AADACL4: variants seen among roughly 807,000 people sequenced by gnomAD.
AADACL4 encodes the protein arylacetamide deacetylase-like 4.
In AADACL4, 9 loss-of-function variants were observed where a neutral mutation model predicts 14.1. That is an observed-to-expected ratio of 0.64 (90% CI 0.39 to 1.12). The LOEUF is 1.12. AADACL4 is among the 50% of genes most tolerant of loss of function. The pLI is 0.01. For missense variants in AADACL4, 531 were observed against 516.1 expected, an observed-to-expected ratio of 1.03 and a Z score of -0.28; for synonymous variants, 188 against 201.6, an observed-to-expected ratio of 0.93 and a Z score of 0.57.
In AADACL4 at chr1:12,651,147, A is replaced by G. The variant is rs775815654; in HGVS notation, c.193A>G (p.Ile65Val). ...TLGNIFEKLG[I>V]CSMPKFIRFL... The stretch of plus-strand genomic sequence containing the variant: ...GGGGAATATATTTGAGAAGCTGGGA[A>G]TTTGCTCCATGCCCAAATTTATTCG... Residue 65 changes from isoleucine (I) to valine (V), a missense_variant, in exon 2 of 4, where the codon ATT (isoleucine) becomes GTT (valine). Coordinates refer to ENST00000376221, the MANE Select transcript of AADACL4 (RefSeq NM_001013630.2). 4 of 1,614,084 alleles carry G rather than the reference A, an allele frequency of 2.5e-6. No individual in the cohort carries two copies. In the East Asian group the frequency reaches 8.9e-5, roughly 36 times the overall value.
chr1:12,661,307 A>G (rs1292216086), intron 2 of AADACL4, among the ~76,000 whole-genome samples: 1 of 152,174 alleles, frequency 6.6e-6, no homozygotes, highest in East Asian at 1.9e-4. Flanking sequence ...TGTATTTGGC[A>G]GTGATTCTGT....
Position 12,645,791 on chromosome 1 carries a change from G to A in AADACL4, c.168+1077G>A, listed in dbSNP as rs113754590. On this transcript the variant is annotated intron_variant, in intron 1 of 3. Transcript: ENST00000376221. ...ACTCCTGGGCTCAAGCAATCTGCCCGCCTTGGCCTCCCAAAGTGTAGGGAT... is the reference window on the plus strand; with the variant it reads ...ACTCCTGGGCTCAAGCAATCTGCCCACCTTGGCCTCCCAAAGTGTAGGGAT... 3.8e-3 allele frequency among the ~76,000 whole-genome samples: 586 copies of A among 152,264 alleles called. 3 individuals carry two copies. The highest frequency in any genetic ancestry group is 0.014 in the African/African-American group (564 of 41,550).
At chr1:12,661,911 T>C in intron 3 of AADACL4, 57 bp downstream of exon 3, 1 of 1,561,398 alleles carries the variant, frequency 6.4e-7, no homozygotes, top group Non-Finnish European at 8.8e-7. Flanking sequence ...ATAGGGTAAG[T>C]TCATGGGTGA....
intron 2 of AADACL4, among the ~76,000 whole-genome samples, chr1:12,653,998 CT>C (rs1647166050): frequency 6.6e-6 from 1 of 152,160 alleles, no homozygotes; most frequent in African/African-American, 2.4e-5. Flanking sequence ...CATGTGAGTC[CT>C]ATCCCCAAAG....
At chr1:12,662,954 C>A (rs1044718389) in intron 3 of AADACL4, among the ~76,000 whole-genome samples, 3 of 152,202 alleles carry the variant, frequency 2.0e-5, no homozygotes, top group Non-Finnish European at 2.9e-5. Flanking sequence ...TCAATAAGCA[C>A]CTGCATTAAT....
intron 3 of AADACL4, among the ~76,000 whole-genome samples, chr1:12,663,266 C>T (rs980401902): frequency 1.3e-5 from 2 of 152,190 alleles, no homozygotes; most frequent in South Asian, 2.1e-4. Flanking sequence ...TAACAAATTA[C>T]CATAGATGGG....
chr1:12,666,034 A>G lies in AADACL4; in HGVS notation c.523A>G (p.Lys175Glu). 1 of 1,614,158 alleles carries G rather than the reference A, an allele frequency of 6.2e-7. No homozygotes were observed. Among genetic ancestry groups the G allele is most frequent in the African/African-American group, 1.3e-5 (1 of 75,040 alleles). ...CATGAATGCCTCCATTCACTTCCTG[A>G]AGGCCCTGGAAACCTATGGGGTGGA... ...DCMNASIHFL[K>E]ALETYGVDPS... Residue 175 changes from lysine (K) to glutamate (E), a missense_variant, in exon 4 of 4, where the codon AAG becomes GAG. Physicochemically the swap from Lys to Glu is moderately conservative, Grantham distance 56. Transcript: ENST00000376221.
chr1:12,661,391 T>A (rs1053539231), intron 2 of AADACL4, among the ~76,000 whole-genome samples: 1 of 152,198 alleles, frequency 6.6e-6, no homozygotes, highest in Non-Finnish European at 1.5e-5. Flanking sequence ...TATGCACCAC[T>A]CTACTCATAG....
intron 2 of AADACL4, among the ~76,000 whole-genome samples, chr1:12,657,140 CAA>C (rs59777423): frequency 0.01 from 519 of 51,074 alleles, 6 homozygotes; most frequent in African/African-American, 0.03. Flanking sequence ...AAGACTGTCT[CAA>C]AAAAAAAAAA....
At chr1:12,648,932 T>C (rs17038227) in intron 1 of AADACL4, among the ~76,000 whole-genome samples, 11,953 of 152,192 alleles carry the variant, frequency 0.079, 1,503 homozygotes, top group African/African-American at 0.26. Context: ...GGAGGGTTAA[T>C]ATCACACTTC....
At chr1:12,655,518 G>T (rs972413910) in intron 2 of AADACL4, among the ~76,000 whole-genome samples, 2 of 151,624 alleles carry the variant, frequency 1.3e-5, no homozygotes. Flanking sequence ...GTCTAGGTGG[G>T]CTCCCTGGCT....
intron 3 of AADACL4, among the ~76,000 whole-genome samples, chr1:12,663,359 T>G (rs1557552630): frequency 6.6e-6 from 1 of 152,198 alleles, no homozygotes; most frequent in Non-Finnish European, 1.5e-5. Flanking sequence ...CAGGCTCTGG[T>G]GAAGACCCTT....
At chr1:12,649,585 T>C (rs768115075) in intron 1 of AADACL4, among the ~76,000 whole-genome samples, 5 of 152,166 alleles carry the variant, frequency 3.3e-5, no homozygotes, top group Non-Finnish European at 7.4e-5. Context: ...GGAGTTCCTT[T>C]AGGAGGACCT....
intron 3 of AADACL4, among the ~76,000 whole-genome samples, chr1:12,665,147 C>T (rs536268714): frequency 3.3e-5 from 5 of 152,336 alleles, no homozygotes; most frequent in African/African-American, 1.2e-4. Flanking sequence ...CCTGCCTCAG[C>T]CTCCTGAGTA....
chr1:12,659,250 T>C (rs1647208312), intron 2 of AADACL4, among the ~76,000 whole-genome samples: 1 of 152,176 alleles, frequency 6.6e-6, no homozygotes, highest in Non-Finnish European at 1.5e-5. Context: ...GACCTGACAG[T>C]CACCTGAGGG....
intron 2 of AADACL4, among the ~76,000 whole-genome samples, chr1:12,652,443 C>T (rs144505426): frequency 3.5e-4 from 54 of 152,212 alleles, no homozygotes; most frequent in African/African-American, 1.2e-3. Context: ...GTCTTGATAC[C>T]GGTGGGCTGG....
In AADACL4 at chr1:12,666,862, T is replaced by A; in HGVS notation, c.*127T>A. 1 of 1,003,532 alleles carries A rather than the reference T, an allele frequency of 1.0e-6. No individual in the cohort carries two copies. Among genetic ancestry groups the A allele is most frequent in the Non-Finnish European group, 1.4e-6 (1 of 692,886 alleles). The allele number at this position is 1,003,532 out of a possible 1,614,324, so 62.2% of individuals were successfully genotyped here. On this transcript the variant is annotated 3_prime_UTR_variant, in exon 4 of 4. Transcript: ENST00000376221. ...CAATGCTTGGGGCAGCTGGGAAGGG[T>A]GAGAAGTAAGCTAACAGTCTTGCTT...
chr1:12,658,014 C>CTCTCTTTCTT (rs1173851781), intron 2 of AADACL4, among the ~76,000 whole-genome samples: 2 of 151,364 alleles, frequency 1.3e-5, no homozygotes, highest in Non-Finnish European at 2.9e-5. Flanking sequence ...CTCTCTCTCT[C>CTCTCTTTCTT]TCTCTTTCTT....
rs1417763880 is a variant in AADACL4 at position 12,666,256 on chromosome 1, A to G, written c.745A>G (p.Met249Val). 3 of 1,614,246 alleles carry G rather than the reference A, an allele frequency of 1.9e-6. No individual in the cohort carries two copies. Among genetic ancestry groups the G allele is most frequent in the South Asian group, 1.1e-5 (1 of 91,092 alleles). The change falls in exon 4 of 4, where the codon ATG becomes GTG. Residue 249 changes from methionine to valine, a missense_variant. Transcript: ENST00000376221. ...TGTCCCATTACTTTCCCGGAAGTTC[A>G]TGGTGACTTCTCTGTGTAACTATCT... Reference protein sequence around the residue: ...QNVPLLSRKFMVTSLCNYLAI... With the variant: ...QNVPLLSRKFVVTSLCNYLAI...
Sources: allele counts gnomAD v4.1 joint callset (sites outside exome capture counted in the v4.1 genomes callset), GRCh38; gene constraint gnomAD v4.1.1; transcripts MANE v1.5; gene names NCBI Gene and HGNC (gene_info 2026-07-23, HGNC 2026-07-21).